Variants in STXBP6 observed in about 807,000 individuals in gnomAD.
STXBP6 encodes the protein syntaxin binding protein 6.
Under a neutral mutation model 26.9 loss-of-function variants are expected in STXBP6, and 21 were observed. The observed-to-expected ratio is 0.78, with a 90% CI of 0.55 to 1.12. The LOEUF (loss-of-function observed/expected upper bound fraction) is 1.12. Among genes scored for constraint, STXBP6 ranks in the 50% most tolerant of loss-of-function variants. The pLI is 0.00. For missense variants in STXBP6, 232 were observed against 257.9 expected, an observed-to-expected ratio of 0.90 and a Z score of 0.69; for synonymous variants, 97 against 92.6, an observed-to-expected ratio of 1.05 and a Z score of -0.27.
chr14:24,961,523 C>T lies in STXBP6; in HGVS notation c.154+13142G>A, dbSNP rs147500807. On this transcript the variant is annotated intron_variant, in intron 2 of 5. Transcript: ENST00000323944. Reference sequence around the variant, plus strand: ...ATGAACATGGATGGAGGCCATTATTCTAAGTGAAGTAACTCAGAAACAGAA... The same window carrying T: ...ATGAACATGGATGGAGGCCATTATTTTAAGTGAAGTAACTCAGAAACAGAA... Among the ~76,000 whole-genome samples, 997 of 151,310 alleles carry T rather than the reference C, an allele frequency of 6.6e-3. 9 individuals carry two copies. Among genetic ancestry groups the T allele is most frequent in the Middle Eastern group, 0.028 (8 of 290 alleles).
chr14:24,905,417 G>A (rs1046749995), intron 2 of STXBP6, among the ~76,000 whole-genome samples: 9 of 152,200 alleles, frequency 5.9e-5, no homozygotes, highest in African/African-American at 2.2e-4. Context: ...TGCCTGGAAT[G>A]CAGCAGATGT....
At chr14:24,911,379 G>A (rs952913142) in intron 2 of STXBP6, among the ~76,000 whole-genome samples, 1 of 143,334 alleles carries the variant, frequency 7.0e-6, no homozygotes, top group Non-Finnish European at 1.5e-5. Context: ...AGAAAGAAGA[G>A]AGAGAGAGAG....
At position 25,024,252 on chromosome 14, in the gene STXBP6, T is replaced by C. The variant is rs552368601; in HGVS notation, c.-33+25626A>G. 5.9e-3 allele frequency among the ~76,000 whole-genome samples: 902 copies of C among 151,812 alleles called. 12 individuals carry two copies. The highest frequency in any genetic ancestry group is 0.021 in the African/African-American group (863 of 41,384). ...TTAACCTGAGAGGCGGAGGTTGCAGTGAGCCGAGATTGTGCCATTGCACTC... is the reference window on the plus strand; with the variant it reads ...TTAACCTGAGAGGCGGAGGTTGCAGCGAGCCGAGATTGTGCCATTGCACTC... On this transcript the variant is annotated intron_variant, in intron 1 of 5. Coordinates refer to ENST00000323944, the MANE Select transcript of STXBP6 (RefSeq NM_001394410.1).
chr14:24,919,165 G>C (rs2139796620), intron 2 of STXBP6, among the ~76,000 whole-genome samples: 1 of 152,144 alleles, frequency 6.6e-6, no homozygotes, highest in Middle Eastern at 3.4e-3. Flanking sequence ...TATGCAACAG[G>C]TACTATGTCG....
chr14:24,911,289 T>A (rs2071563594), intron 2 of STXBP6, among the ~76,000 whole-genome samples: 1 of 151,670 alleles, frequency 6.6e-6, no homozygotes. Context: ...GCAAGCCATG[T>A]TTGTGCTACT....
chr14:24,999,365 G>A (rs927545526), intron 1 of STXBP6, among the ~76,000 whole-genome samples: 1 of 152,182 alleles, frequency 6.6e-6, no homozygotes. Context: ...CAGAAACCAT[G>A]CAAGTAAGAG....
intron 4 of STXBP6, 90 bp downstream of exon 4, chr14:24,855,846 T>G: frequency 7.9e-7 from 1 of 1,271,464 alleles, no homozygotes; most frequent in South Asian, 1.6e-5. Context: ...CCTGTTTTTG[T>G]CTTTAATTAT....
chr14:24,957,517 C>T (rs2140099643), intron 2 of STXBP6, among the ~76,000 whole-genome samples: 1 of 152,296 alleles, frequency 6.6e-6, no homozygotes, highest in Non-Finnish European at 1.5e-5. Context: ...TTTTCTAGTT[C>T]CATCTCTGGC....
At chr14:25,041,097 G>A (rs897922832) in intron 1 of STXBP6, among the ~76,000 whole-genome samples, 3 of 152,138 alleles carry the variant, frequency 2.0e-5, no homozygotes, top group African/African-American at 7.2e-5. Flanking sequence ...CGAGGTGGGT[G>A]GATCACCTAG....
intron 1 of STXBP6, among the ~76,000 whole-genome samples, chr14:25,016,818 A>G (rs1392303442): frequency 6.6e-6 from 1 of 152,222 alleles, no homozygotes; most frequent in East Asian, 1.9e-4. Context: ...GTAGAAAAGG[A>G]GATGGCATGG....
intron 2 of STXBP6, among the ~76,000 whole-genome samples, chr14:24,971,689 C>T (rs1420067364): frequency 6.6e-6 from 1 of 152,226 alleles, no homozygotes; most frequent in Non-Finnish European, 1.5e-5. Flanking sequence ...ACACAATCCT[C>T]TTTTCAAAAC....
At chr14:24,850,063 G>T (rs1363566472) in intron 4 of STXBP6, among the ~76,000 whole-genome samples, 1 of 151,986 alleles carries the variant, frequency 6.6e-6, no homozygotes, top group Non-Finnish European at 1.5e-5. Flanking sequence ...TTCCTTTAAA[G>T]TACTATATTA....
At chr14:24,942,824 A>G (rs1412509828) in intron 2 of STXBP6, among the ~76,000 whole-genome samples, 2 of 152,212 alleles carry the variant, frequency 1.3e-5, no homozygotes, top group Non-Finnish European at 2.9e-5. Flanking sequence ...AATTGCTCTC[A>G]AACTGATAGC....
At chr14:24,994,307 A>G (rs905013469) in intron 1 of STXBP6, among the ~76,000 whole-genome samples, 1 of 152,148 alleles carries the variant, frequency 6.6e-6, no homozygotes, top group Admixed American at 6.5e-5. Flanking sequence ...AATGTCTGTC[A>G]TCAACTTAAT....
intron 1 of STXBP6, among the ~76,000 whole-genome samples, chr14:25,003,540 C>T (rs568504203): frequency 2.6e-5 from 4 of 152,268 alleles, no homozygotes; most frequent in South Asian, 4.1e-4. Context: ...ACCTAGCTAC[C>T]GGGCAGGAAA....
chr14:24,860,924 C>G (rs2069516345), intron 2 of STXBP6, among the ~76,000 whole-genome samples: 1 of 146,568 alleles, frequency 6.8e-6, no homozygotes, highest in African/African-American at 2.5e-5. Context: ...ACCTCTACAT[C>G]CTCAACTATC....
intron 4 of STXBP6, among the ~76,000 whole-genome samples, chr14:24,838,905 A>T (rs1233085287): frequency 2.0e-5 from 3 of 152,142 alleles, no homozygotes; most frequent in African/African-American, 7.2e-5. Flanking sequence ...TTAAATTGTG[A>T]TGCTTTCTAT....
At chr14:24,949,016 G>A (rs925723320) in intron 2 of STXBP6, among the ~76,000 whole-genome samples, 1 of 152,068 alleles carries the variant, frequency 6.6e-6, no homozygotes, top group South Asian at 2.1e-4. Flanking sequence ...CATCAATGGG[G>A]GAGAGGAGGG....
intron 4 of STXBP6, among the ~76,000 whole-genome samples, chr14:24,835,604 T>A (rs1416106254): frequency 6.6e-6 from 1 of 152,184 alleles, no homozygotes; most frequent in African/African-American, 2.4e-5. Flanking sequence ...ATCTAATTTT[T>A]TAAAATGGAA....
Sources: gnomAD v4.1 joint callset for allele counts (sites outside exome capture counted in the v4.1 genomes callset) on GRCh38, gnomAD v4.1.1 for gene constraint, MANE v1.5 for transcripts, NCBI Gene and HGNC (gene_info 2026-07-23, HGNC 2026-07-21) for gene names.